Variants in TRMT10B observed in about 807,000 individuals in gnomAD.
TRMT10B encodes tRNA methyltransferase 10 homolog B.
Under a neutral mutation model 43.8 loss-of-function variants are expected in TRMT10B, and 33 were observed. The ratio of observed to expected loss-of-function variants is 0.75; its 90% CI spans 0.57 to 1.01. The LOEUF is 1.01. TRMT10B is among the 50% of genes least tolerant of loss of function. The pLI is 0.00. For missense variants in TRMT10B, 362 were observed against 369.8 expected, an observed-to-expected ratio of 0.98 and a Z score of 0.17; for synonymous variants, 137 against 130.6, an observed-to-expected ratio of 1.05 and a Z score of -0.34.
rs541578651 is a variant in TRMT10B at position 37,757,795 on chromosome 9, C to T, written c.-30+3943C>T. ...AATTCTTGCAACAATCCTGTGAGGT[C>T]GTTTTATCCCATTTCGTGGAGAGAC... On this transcript the variant is annotated intron_variant, in intron 1 of 8. Transcript: ENST00000297994. Among the ~76,000 whole-genome samples, 66 of 152,306 alleles carry T rather than the reference C, an allele frequency of 4.3e-4. 1 individual carries two copies. Among genetic ancestry groups the T allele is most frequent in the South Asian group, 1.7e-3 (8 of 4,820 alleles).
chr9:37,769,483 G>C (rs1827326776), intron 5 of TRMT10B: 1 of 165,532 alleles, frequency 6.0e-6, no homozygotes, highest in East Asian at 1.7e-4. Flanking sequence ...TTGAACGTCT[G>C]TGTCTACTTT....
At chr9:37,757,186 C>T (rs186797707) in intron 1 of TRMT10B, among the ~76,000 whole-genome samples, 10 of 152,192 alleles carry the variant, frequency 6.6e-5, no homozygotes, top group African/African-American at 2.4e-4. Context: ...TGGGTTCAAG[C>T]GATCTTCTGG....
chr9:37,756,868 A>G lies in TRMT10B; in HGVS notation c.-30+3016A>G, dbSNP rs189976412. 2.6e-3 allele frequency among the ~76,000 whole-genome samples: 401 copies of G among 152,144 alleles called. 3 individuals are homozygous for G. Among genetic ancestry groups the G allele is most frequent in the African/African-American group, 9.0e-3 (373 of 41,500 alleles). Reference sequence around the variant, plus strand: ...TGTGTATATATACACACACACATATACATACACACATATATACATATACAG... The same window carrying G: ...TGTGTATATATACACACACACATATGCATACACACATATATACATATACAG... On this transcript the variant is annotated intron_variant, in intron 1 of 8. Coordinates refer to ENST00000297994, the MANE Select transcript of TRMT10B (RefSeq NM_144964.4).
rs570758561 is a variant in TRMT10B, at chr9:37,778,957, T to C, written c.*1250T>C. 1.4e-5 allele frequency: 2 copies of C among 147,562 alleles called. No homozygotes were observed. Among genetic ancestry groups the C allele is most frequent in the South Asian group, 2.1e-4 (1 of 4,782 alleles). 9.1% of individuals were successfully genotyped at this position (147,562 alleles called of 1,614,324 possible). On this transcript the variant is annotated 3_prime_UTR_variant, in exon 9 of 9. Transcript: ENST00000297994. The stretch of plus-strand genomic sequence containing the variant: ...TCATATGTATTTGTAACAGATTAAA[T>C]TGGAAAGCAAACACAGTATTGATTA...
At chr9:37,768,654 C>T (rs1007315516) in intron 5 of TRMT10B, among the ~76,000 whole-genome samples, 3 of 152,212 alleles carry the variant, frequency 2.0e-5, no homozygotes, top group South Asian at 2.1e-4. Flanking sequence ...TTTAGTGATA[C>T]ATATACATGC....
At chr9:37,757,651 G>T (rs1484637696) in intron 1 of TRMT10B, among the ~76,000 whole-genome samples, 1 of 152,170 alleles carries the variant, frequency 6.6e-6, no homozygotes, top group Non-Finnish European at 1.5e-5. Flanking sequence ...AACCAAAACT[G>T]CTCAGAAGAT....
chr9:37,764,323 T>C (rs1826750595), intron 4 of TRMT10B, among the ~76,000 whole-genome samples: 1 of 145,808 alleles, frequency 6.9e-6, no homozygotes, highest in South Asian at 2.2e-4. Context: ...AAATTTTTTT[T>C]TTTTTTTTTT....
chr9:37,777,451 G>T, intron 8 of TRMT10B, 150 bp from the exon 9 acceptor site: 1 of 602,374 alleles, frequency 1.7e-6, no homozygotes, highest in African/African-American at 1.9e-5. Context: ...AGCAAGCAGA[G>T]CCTGTGTCCT....
intron 3 of TRMT10B, 74 bp downstream of exon 3, chr9:37,762,759 T>C (rs1175790964): frequency 1.4e-6 from 2 of 1,465,434 alleles, no homozygotes; most frequent in Non-Finnish European, 1.8e-6. Flanking sequence ...CCAATGAGAG[T>C]AGGAATTTTG....
chr9:37,762,546 TCAAA>T (rs759220256), intron 2 of TRMT10B, 27 bp from the exon 3 acceptor site: 14 of 1,552,860 alleles, frequency 9.0e-6, no homozygotes, highest in Admixed American at 6.1e-5. Flanking sequence ...TATGAAGTTC[TCAAA>T]CAATTTTGTT....
At chr9:37,756,808 A>ATG (rs200249595) in intron 1 of TRMT10B, among the ~76,000 whole-genome samples, 3,357 of 143,796 alleles carry the variant, frequency 0.023, 119 homozygotes, top group African/African-American at 0.082. Flanking sequence ...ATGTGTATAT[A>ATG]TGTGTGCATA....
At chr9:37,767,893 T>G (rs968889848) in intron 4 of TRMT10B, among the ~76,000 whole-genome samples, 183 bp from the exon 5 acceptor site, 1 of 152,224 alleles carries the variant, frequency 6.6e-6, no homozygotes, top group African/African-American at 2.4e-5. Flanking sequence ...GTTTCTGGAC[T>G]TGTATCATTA....
At chr9:37,772,179 T>C (rs1470763914) in intron 7 of TRMT10B, among the ~76,000 whole-genome samples, 1 of 152,058 alleles carries the variant, frequency 6.6e-6, no homozygotes, top group Admixed American at 6.6e-5. Context: ...GCACAGCTAA[T>C]TTTTATATTT....
intron 3 of TRMT10B, 78 bp from the exon 4 acceptor site, chr9:37,763,551 C>T: frequency 8.5e-6 from 11 of 1,287,524 alleles, no homozygotes; most frequent in Non-Finnish European, 1.2e-5. Context: ...GCAAAATACC[C>T]ACCTGGCTAA....
At chr9:37,771,875 TG>T (rs952432628) in intron 7 of TRMT10B, among the ~76,000 whole-genome samples, 9 of 106,232 alleles carry the variant, frequency 8.5e-5, no homozygotes, top group African/African-American at 2.0e-4. Context: ...TGACAGAAAA[TG>T]TTTTTTTTTT....
intron 1 of TRMT10B, among the ~76,000 whole-genome samples, chr9:37,759,687 C>T (rs1203851617): frequency 2.6e-5 from 4 of 152,038 alleles, no homozygotes; most frequent in South Asian, 2.1e-4. Flanking sequence ...CATGGTGGTG[C>T]GTGCCTGTAG....
intron 7 of TRMT10B, among the ~76,000 whole-genome samples, chr9:37,771,887 TTC>T (rs1491107713): frequency 2.0e-5 from 3 of 151,372 alleles, no homozygotes; most frequent in South Asian, 2.1e-4. Context: ...TTTTTTTTTT[TTC>T]TTTTGAAGCA....
chr9:37,759,033 A>T (rs1243718863), intron 1 of TRMT10B, among the ~76,000 whole-genome samples: 1 of 152,220 alleles, frequency 6.6e-6, no homozygotes, highest in African/African-American at 2.4e-5. Context: ...AACATTTGGA[A>T]TGCTCATACA....
intron 2 of TRMT10B, among the ~76,000 whole-genome samples, chr9:37,762,318 C>A (rs570576905): frequency 1.8e-4 from 28 of 152,246 alleles, no homozygotes; most frequent in African/African-American, 5.8e-4. Context: ...TTTTGATATA[C>A]CCCTGAAGGG....
Sources: gnomAD v4.1 joint callset for allele counts (sites outside exome capture counted in the v4.1 genomes callset) on GRCh38, gnomAD v4.1.1 for gene constraint, MANE v1.5 for transcripts, NCBI Gene and HGNC (gene_info 2026-07-23, HGNC 2026-07-21) for gene names.